PHEX: variants seen among roughly 807,000 people sequenced by gnomAD.
PHEX encodes the protein phosphate-regulating neutral endopeptidase PHEX.
PHEX carries 16 observed loss-of-function variants against 68.0 expected under a neutral mutation model. The observed-to-expected ratio is 0.24, with a 90% confidence interval of 0.16 to 0.36. The LOEUF (loss-of-function observed/expected upper bound fraction) is 0.36, where lower values mean the gene tolerates loss of function less well. Ranked by LOEUF, PHEX falls within the 10% of genes least tolerant of loss-of-function variation. PHEX has a pLI of 1.00. For synonymous variants in PHEX, 208 were observed against 205.1 expected (o/e 1.01, Z -0.12); for missense variants, 480 against 575.5 (o/e 0.83, Z 1.70).
chrX:22,046,833 C>T (rs770450618), intron 2 of PHEX, among the ~76,000 whole-genome samples: 3 of 111,575 alleles, frequency 2.7e-5, no homozygotes, highest in African/African-American at 9.7e-5. Flanking sequence ...TCCTAAAGTG[C>T]TGGGATTACA....
chrX:22,211,464 A>C (rs1473104781), intron 15 of PHEX, among the ~76,000 whole-genome samples: 1 of 112,511 alleles, frequency 8.9e-6, no homozygotes, highest in East Asian at 2.8e-4. Flanking sequence ...AAATGCAAAC[A>C]TAAGAGCATT....
intron 20 of PHEX, among the ~76,000 whole-genome samples, chrX:22,240,459 C>CAAGACCCAT (rs1936143723): frequency 8.9e-6 from 1 of 111,814 alleles, no homozygotes; most frequent in Non-Finnish European, 1.9e-5. Context: ...GATAAAGAGT[C>CAAGACCCAT]AAGACCCATC....
intron 20 of PHEX, among the ~76,000 whole-genome samples, chrX:22,236,765 C>A (rs773113314): frequency 1.9e-5 from 2 of 105,448 alleles, no homozygotes; most frequent in Admixed American, 1.0e-4. Flanking sequence ...GTTTGCTAAC[C>A]CCTGCTCTAG....
At chrX:22,094,403 C>T (rs933469090) in intron 7 of PHEX, among the ~76,000 whole-genome samples, 8 of 111,784 alleles carry the variant, frequency 7.2e-5, no homozygotes, top group African/African-American at 2.3e-4. Flanking sequence ...ACCCTCTGAC[C>T]GTTTTTCCTG....
intron 9 of PHEX, among the ~76,000 whole-genome samples, chrX:22,110,155 A>C (rs1315226478): frequency 8.9e-6 from 1 of 112,262 alleles, no homozygotes; most frequent in Non-Finnish European, 1.9e-5. Flanking sequence ...TCCTCACTTA[A>C]CATCATCGAT....
chrX:22,229,581 T>C (rs866506153), intron 20 of PHEX, among the ~76,000 whole-genome samples: 1 of 112,428 alleles, frequency 8.9e-6, no homozygotes, highest in Non-Finnish European at 1.9e-5. Flanking sequence ...GCCCACTTTT[T>C]GATGAGGTTG....
chrX:22,069,934 T>C (rs1928819935), intron 3 of PHEX, among the ~76,000 whole-genome samples: 1 of 111,935 alleles, frequency 8.9e-6, no homozygotes, highest in South Asian at 3.7e-4. Flanking sequence ...ATTTAGAGTC[T>C]GCAGCTTTAA....
At chrX:22,246,868 TGAGTCTC>T (rs1195807988) in intron 21 of PHEX, among the ~76,000 whole-genome samples, 1 of 112,058 alleles carries the variant, frequency 8.9e-6, no homozygotes, top group Non-Finnish European at 1.9e-5. Flanking sequence ...CTGAGAATGC[TGAGTCTC>T]TAGTCAACCC....
intron 10 of PHEX, among the ~76,000 whole-genome samples, chrX:22,113,496 C>T (rs1239859755): frequency 8.9e-6 from 1 of 112,114 alleles, no homozygotes. Flanking sequence ...AAACCTCTGA[C>T]CCAGGTCCTG....
chrX:22,099,980 A>G (rs1930345004), intron 9 of PHEX, among the ~76,000 whole-genome samples: 1 of 112,461 alleles, frequency 8.9e-6, no homozygotes, highest in African/African-American at 3.2e-5. Flanking sequence ...ACACTTAGAC[A>G]CCTGAGAGGA....
At position 22,077,381 on chromosome X, in the gene PHEX, T is replaced by C. The variant is rs770301827; in HGVS notation, c.437-95T>C. The stretch of plus-strand genomic sequence containing the variant: ...ACAGCTGAAATTTTAAGTTGGAGCA[T>C]TATGGGAATTTTGTCTTGAGAAGAT... On this transcript the variant is annotated intron_variant, in intron 4 of 21. Transcript: ENST00000379374. 646 of 754,522 alleles carry C rather than the reference T, an allele frequency of 8.6e-4. 4 individuals are homozygous for C. Among genetic ancestry groups the C allele is most frequent in the Non-Finnish European group, 9.5e-4 (459 of 482,018 alleles). 62.2% of individuals were successfully genotyped at this position (754,522 alleles called of 1,213,427 possible).
At chrX:22,051,150 A>G (rs57968134) in intron 3 of PHEX, among the ~76,000 whole-genome samples, 1 of 111,680 alleles carries the variant, frequency 9.0e-6, no homozygotes, top group African/African-American at 3.3e-5. Context: ...ACAAACTGAC[A>G]TTAGGGTTCT....
intron 12 of PHEX, among the ~76,000 whole-genome samples, chrX:22,140,242 G>T (rs187028209): frequency 9.1e-6 from 1 of 110,039 alleles, no homozygotes; most frequent in Non-Finnish European, 1.9e-5. Flanking sequence ...ACCATTTCTC[G>T]CAGGTGGGTC....
At position 22,056,664 on chromosome X, in the gene PHEX, G is replaced by C. The variant is rs534811841; in HGVS notation, c.349+9453G>C. ...AAAAATACAAAAGTTAGTCTGGCGT[G>C]GTGGCGGGAGCCTGTAATCCCAGCT... On this transcript the variant is annotated intron_variant, in intron 3 of 21. Transcript: ENST00000379374. 2.2e-4 allele frequency among the ~76,000 whole-genome samples: 24 copies of C among 109,116 alleles called. No homozygotes were observed. The South Asian group carries it at 9.6e-3, about 44-fold the overall frequency. 94.8% of individuals were successfully genotyped at this position (109,116 alleles called of 115,157 possible). A position where few individuals can be genotyped will look rare whatever the true frequency, so the allele number is the denominator to read the frequency against.
intron 1 of PHEX, among the ~76,000 whole-genome samples, chrX:22,033,608 G>T (rs2146974766): frequency 8.9e-6 from 1 of 112,240 alleles, no homozygotes; most frequent in African/African-American, 3.2e-5. Flanking sequence ...TGCTTTTAAT[G>T]ATATTCTTCA....
Position 22,168,430 on chromosome X carries a change from T to C in PHEX, c.1482+41T>C, listed in dbSNP as rs771234426. 5 of 888,777 alleles carry C rather than the reference T, an allele frequency of 5.6e-6. No homozygotes were observed. In the Admixed American group the frequency reaches 1.1e-4, roughly 20 times the overall value. 73.2% of individuals were successfully genotyped at this position (888,777 alleles called of 1,213,427 possible). A position where few individuals can be genotyped will look rare whatever the true frequency, so the allele number is the denominator to read the frequency against. On this transcript the variant is annotated intron_variant, in intron 13 of 21. Transcript: ENST00000379374. ...ACTGTACTTTTTTTTTTCTGGCAAG[T>C]TTTACTGGCCTTGTGCCTTTCAACT...
chrX:22,178,256 T>C lies in PHEX; in HGVS notation c.1483-17T>C. 6.6e-6 allele frequency: 7 copies of C among 1,059,816 alleles called. No homozygotes were observed. Among genetic ancestry groups the C allele is most frequent in the Non-Finnish European group, 9.2e-6 (7 of 760,372 alleles). 87.3% of individuals were successfully genotyped at this position (1,059,816 alleles called of 1,213,427 possible). On this transcript the variant is annotated splice_polypyrimidine_tract_variant and intron_variant, in intron 13 of 21. Transcript: ENST00000379374. Reference sequence around the variant, plus strand: ...ATCTTTACTTAGAACAATGATGTTGTGGTTTGTTTTATTCAGATCAAGTTT... The same window carrying C: ...ATCTTTACTTAGAACAATGATGTTGCGGTTTGTTTTATTCAGATCAAGTTT...
chrX:22,083,622 T>A (rs1602279086), intron 5 of PHEX, among the ~76,000 whole-genome samples: 1 of 112,316 alleles, frequency 8.9e-6, no homozygotes, highest in East Asian at 2.8e-4. Context: ...TTGTAAATGA[T>A]ATTGTTTATT....
chrX:22,178,224 A>C, intron 13 of PHEX, 49 bp from the exon 14 acceptor site: 1 of 848,386 alleles, frequency 1.2e-6, no homozygotes, highest in Non-Finnish European at 1.7e-6. Flanking sequence ...TTTTAGAGCC[A>C]TCTTTTATCT....
Sources: gnomAD v4.1 joint callset for allele counts (sites outside exome capture counted in the v4.1 genomes callset) on GRCh38, gnomAD v4.1.1 for gene constraint, MANE v1.5 for transcripts, NCBI Gene and HGNC (gene_info 2026-07-23, HGNC 2026-07-21) for gene names.